MCM9: variants seen among roughly 807,000 people sequenced by gnomAD.
The protein encoded by MCM9 is minichromosome maintenance 9 homologous recombination repair factor, also known as DNA helicase MCM9.
MCM9 carries 55 observed loss-of-function variants against 72.8 expected under a neutral mutation model. The observed-to-expected ratio is 0.76, with a 90% CI of 0.61 to 0.95. The LOEUF is 0.95. Among genes scored for constraint, MCM9 ranks in the 40% least tolerant of loss-of-function variants. The pLI is 0.00. For synonymous variants in MCM9, 480 were observed against 503.4 expected (o/e 0.95, Z 0.62); for missense variants, 1,279 against 1,377.0 (o/e 0.93, Z 1.13).
intron 9 of MCM9, among the ~76,000 whole-genome samples, chr6:118,849,129 A>T (rs2114654914): frequency 6.6e-6 from 1 of 152,008 alleles, no homozygotes; most frequent in East Asian, 1.9e-4. Context: ...AAAAGGCTAA[A>T]CATAAAGAAA....
At chr6:118,867,923 C>A (rs1204050450) in intron 8 of MCM9, among the ~76,000 whole-genome samples, 4 of 142,700 alleles carry the variant, frequency 2.8e-5, no homozygotes, top group African/African-American at 1.0e-4. Context: ...GGTGCCCAGG[C>A]TGGAATGCAA....
chr6:118,819,506 G>A (rs1020490359), intron 13 of MCM9, among the ~76,000 whole-genome samples: 2 of 152,138 alleles, frequency 1.3e-5, no homozygotes, highest in Non-Finnish European at 2.9e-5. Flanking sequence ...TTGATGTGCT[G>A]CTGTATTCAG....
intron 9 of MCM9, among the ~76,000 whole-genome samples, chr6:118,855,486 A>G (rs893489914): frequency 6.6e-6 from 1 of 152,114 alleles, no homozygotes; most frequent in Non-Finnish European, 1.5e-5. Flanking sequence ...TCTTTCTTGT[A>G]TCTTTTCTGG....
rs1782432271 is a variant in MCM9 at position 118,931,569 on chromosome 6, A to G, written c.155T>C (p.Met52Thr). The G allele has an allele frequency of 1.2e-6, 2 of 1,614,150 alleles. No individual in the cohort carries two copies. Among genetic ancestry groups the G allele is most frequent in the Non-Finnish European group, 1.7e-6 (2 of 1,180,032 alleles). The change falls in exon 3 of 14, where the codon ATG becomes ACG. Residue 52 changes from methionine (M) to threonine (T), a missense_variant. Coordinates refer to ENST00000619706, the MANE Select transcript of MCM9 (RefSeq NM_017696.3). ...CATGTTGAAATATTCCCCGATTTCC[A>G]TGTTGGTCTCAAACAGAGTCATGGC... is the stretch of plus-strand genomic sequence containing the variant. ...VNAMTLFETN[M>T]EIGEYFNMFP...
chr6:118,900,085 A>G (rs777058038), intron 8 of MCM9, among the ~76,000 whole-genome samples: 19 of 152,200 alleles, frequency 1.2e-4, no homozygotes, highest in Admixed American at 7.2e-4. Context: ...CCTCCTGCCT[A>G]TCTCCACTGT....
chr6:118,837,404 T>A (rs1450355217), intron 9 of MCM9, among the ~76,000 whole-genome samples: 3 of 152,180 alleles, frequency 2.0e-5, no homozygotes, highest in Admixed American at 6.5e-5. Context: ...CAGAGCTGAG[T>A]TCAAGTCCTG....
chr6:118,889,468 C>T (rs762054293), intron 8 of MCM9, among the ~76,000 whole-genome samples: 5 of 152,098 alleles, frequency 3.3e-5, no homozygotes, highest in Admixed American at 6.5e-5. Context: ...TCCTCTCTAC[C>T]GATTACTGTT....
At chr6:118,875,287 G>T (rs1051232752) in intron 8 of MCM9, among the ~76,000 whole-genome samples, 5 of 152,158 alleles carry the variant, frequency 3.3e-5, no homozygotes, top group African/African-American at 1.2e-4. Flanking sequence ...ACTTCATATT[G>T]TCAAGATGTC....
chr6:118,888,135 G>A (rs191392219), intron 8 of MCM9, among the ~76,000 whole-genome samples: 27 of 152,252 alleles, frequency 1.8e-4, no homozygotes, highest in African/African-American at 6.3e-4. Context: ...AAGTGTTGGT[G>A]GGAATGTGGA....
intron 8 of MCM9, among the ~76,000 whole-genome samples, chr6:118,901,721 T>C (rs1779808505): frequency 6.6e-6 from 1 of 152,234 alleles, no homozygotes; most frequent in South Asian, 2.1e-4. Context: ...TAACTAGCCA[T>C]AGGTTTTTTA....
intron 8 of MCM9, chr6:118,911,022 T>C (rs1780507803): frequency 1.0e-6 from 1 of 984,762 alleles, no homozygotes; most frequent in Non-Finnish European, 1.2e-6. Context: ...ACTGTAAAAA[T>C]ACAAAATAGC....
At chr6:118,916,351 C>T (rs989425028) in intron 6 of MCM9, among the ~76,000 whole-genome samples, 2 of 148,724 alleles carry the variant, frequency 1.3e-5, no homozygotes, top group African/African-American at 4.9e-5. Context: ...ATGTGCTATA[C>T]ATTTACACAC....
At chr6:118,895,946 T>G (rs1025091621) in intron 8 of MCM9, among the ~76,000 whole-genome samples, 4 of 152,104 alleles carry the variant, frequency 2.6e-5, no homozygotes, top group African/African-American at 9.7e-5. Context: ...TTTAGAAAGT[T>G]GTACAGGCAT....
intron 9 of MCM9, among the ~76,000 whole-genome samples, chr6:118,835,466 T>C (rs560352268): frequency 6.6e-6 from 1 of 152,366 alleles, no homozygotes; most frequent in East Asian, 1.9e-4. Flanking sequence ...ACAATATTGA[T>C]TCTTCCTATC....
At chr6:118,863,057 T>G (rs1776999476) in intron 8 of MCM9, among the ~76,000 whole-genome samples, 1 of 152,228 alleles carries the variant, frequency 6.6e-6, no homozygotes, top group Middle Eastern at 3.4e-3. Context: ...AAGTAGAGCA[T>G]TAGACAAAAA....
intron 11 of MCM9, 100 bp downstream of exon 11, chr6:118,827,827 G>T: frequency 9.0e-7 from 1 of 1,108,742 alleles, no homozygotes; most frequent in Non-Finnish European, 1.3e-6. Flanking sequence ...ACCTTAGAGT[G>T]GGAGTTATTC....
chr6:118,926,386 A>G (rs930252747), intron 3 of MCM9, among the ~76,000 whole-genome samples: 3 of 152,202 alleles, frequency 2.0e-5, no homozygotes, highest in African/African-American at 7.2e-5. Flanking sequence ...AGTGTTGACT[A>G]TTTCATGTTA....
At chr6:118,851,413 TAG>T (rs1379891316) in intron 9 of MCM9, among the ~76,000 whole-genome samples, 3 of 151,782 alleles carry the variant, frequency 2.0e-5, no homozygotes, top group Non-Finnish European at 2.9e-5. Flanking sequence ...AACCACTGAA[TAG>T]AGTTATCATA....
chr6:118,934,155 C>T (rs1194323621), intron 1 of MCM9, among the ~76,000 whole-genome samples: 1 of 152,112 alleles, frequency 6.6e-6, no homozygotes, highest in Admixed American at 6.5e-5. Flanking sequence ...CCTAGTTAGG[C>T]TAGCATTTCT....
Sources: allele counts gnomAD v4.1 joint callset (sites outside exome capture counted in the v4.1 genomes callset), GRCh38; gene constraint gnomAD v4.1.1; transcripts MANE v1.5; gene names NCBI Gene and HGNC (gene_info 2026-07-23, HGNC 2026-07-21).